Variants in PLEKHG3 observed in about 807,000 individuals in gnomAD.
PLEKHG3 encodes pleckstrin homology and RhoGEF domain containing G3.
In PLEKHG3, 62 loss-of-function variants were observed where a neutral mutation model predicts 94.9. The observed-to-expected ratio is 0.65, with a 90% CI of 0.53 to 0.81. PLEKHG3 has a LOEUF of 0.81. Among genes scored for constraint, PLEKHG3 ranks in the 30% least tolerant of loss-of-function variants. PLEKHG3 has a pLI of 0.00. For synonymous variants in PLEKHG3, 614 were observed against 654.0 expected (o/e 0.94, Z 0.93); for missense variants, 1,461 against 1,619.3 (o/e 0.90, Z 1.68).
chr14:64,737,265 C>A, intron 13 of PLEKHG3, 91 bp from the exon 14 acceptor site: 1 of 948,268 alleles, frequency 1.1e-6, no homozygotes, highest in Non-Finnish European at 1.7e-6. Flanking sequence ...AGGGAGCTGT[C>A]CAGAGGTCTT....
Position 64,730,598 on chromosome 14 carries a change from A to G in PLEKHG3, c.520-44A>G, listed in dbSNP as rs1439428188. 6.5e-7 allele frequency: 1 copy of G among 1,535,104 alleles called. No individual in the cohort carries two copies. The highest frequency in any genetic ancestry group is 9.0e-7 in the Non-Finnish European group (1 of 1,108,524). ...ATCTGCTACCACCATCTTTACTGTC[A>G]AATGAGAATCTCCCTGAAATCACTA... On this transcript the variant is annotated intron_variant, in intron 4 of 16. Coordinates refer to ENST00000247226, the MANE Select transcript of PLEKHG3 (RefSeq NM_001308147.2). This position sits in a 1 kb window ranked among gnomAD's most constrained non-coding sequence, Gnocchi z 5.4.
Position 64,743,735 on chromosome 14 carries a change from T to C in PLEKHG3, c.*32T>C, listed in dbSNP as rs779022077. The C allele has an allele frequency of 2.0e-6, 3 of 1,511,284 alleles. No homozygotes were observed. The highest frequency in any genetic ancestry group is 2.6e-6 in the Non-Finnish European group (3 of 1,134,774). The allele number at this position is 1,511,284 out of a possible 1,614,324, so 93.6% of individuals were successfully genotyped here. ...CTCCTGGGGGAGGGAGGAGTCATGT[T>C]GGAGGTTGGGGAAGAACCTGGGCAT... On this transcript the variant is annotated 3_prime_UTR_variant, in exon 17 of 17. Transcript: ENST00000247226. This position sits in a 1 kb window ranked among gnomAD's most constrained non-coding sequence, Gnocchi z 7.2.
Position 64,730,653 on chromosome 14 carries a change from T to C in PLEKHG3, c.531T>C (p.Phe177=). 1 of 1,609,972 alleles carries C rather than the reference T, an allele frequency of 6.2e-7. No individual in the cohort carries two copies. The highest frequency in any genetic ancestry group is 1.1e-5 in the South Asian group (1 of 90,886). ...ASCFVERSQE[F]DIYTQYCNNY... is the part of the protein sequence containing the mutation. ...TGATCTCTTCTTAGAGCCAAGAGTT[T>C]GATATCTACACTCAGTATTGCAACA... The change falls in exon 5 of 17, where the codon TTT becomes TTC. Residue 177 remains phenylalanine (F), a synonymous_variant. Coordinates refer to ENST00000247226, the MANE Select transcript of PLEKHG3 (RefSeq NM_001308147.2). The surrounding 1 kb of genome is among the most constrained non-coding windows in gnomAD (Gnocchi z 5.4).
In PLEKHG3 at chr14:64,718,542, A is replaced by T. The variant is rs2081209035; in HGVS notation, c.-39-9051A>T. On this transcript the variant is annotated intron_variant, in intron 1 of 16. Transcript: ENST00000247226. This position sits in a 1 kb window ranked among gnomAD's most constrained non-coding sequence, Gnocchi z 5.0. Reference sequence around the variant, plus strand: ...TCTTTGTGCACAGTAGGTGCTTGGTAAACAGCTTAGGTTGGAAGATTACTA... The same window carrying T: ...TCTTTGTGCACAGTAGGTGCTTGGTTAACAGCTTAGGTTGGAAGATTACTA... Among the ~76,000 whole-genome samples, 1 of 152,146 alleles carries T rather than the reference A, an allele frequency of 6.6e-6. No homozygotes were observed.
chr14:64,708,356 C>T (rs917398329), intron 1 of PLEKHG3, among the ~76,000 whole-genome samples: 1 of 152,092 alleles, frequency 6.6e-6, no homozygotes, highest in Non-Finnish European at 1.5e-5. Flanking sequence ...TCCACCCCTC[C>T]CCCAGCCTCC....
At position 64,729,076 on chromosome 14, in the gene PLEKHG3, T is replaced by C. The variant is rs229644; in HGVS notation, c.432T>C (p.Asn144=). Residue 144 remains asparagine, a synonymous_variant, in exon 3 of 17, where the codon AAT becomes AAC. Coordinates refer to ENST00000247226, the MANE Select transcript of PLEKHG3 (RefSeq NM_001308147.2). ...GCGCCCTCTTTGGGAACATAGAAAA[T>C]ATCTACGCGCTGAACAGGTGTGTGA... ...QVSALFGNIE[N]IYALNSQLLR... 0.23 allele frequency: 338,128 copies of C among 1,498,728 alleles called. 40,458 individuals carry two copies. Among genetic ancestry groups the C allele is most frequent in the African/African-American group, 0.33 (23,917 of 72,104 alleles). 92.8% of individuals were successfully genotyped at this position (1,498,728 alleles called of 1,614,324 possible).
At chr14:64,737,224 G>A in intron 13 of PLEKHG3, 132 bp from the exon 14 acceptor site, 1 of 723,426 alleles carries the variant, frequency 1.4e-6, no homozygotes, top group South Asian at 1.6e-5. Flanking sequence ...TGAGGGTTCT[G>A]GGAGCAGGAG....
Position 64,710,713 on chromosome 14 carries a change from A to G in PLEKHG3, c.-40+6009A>G, listed in dbSNP as rs535327947. ...ATAAAATGAAAGAGGATAAAGAAAC[A>G]AGCATAGAGGGGGAAAAATGACTAC... On this transcript the variant is annotated intron_variant, in intron 1 of 16. Transcript: ENST00000247226. Among the ~76,000 whole-genome samples, 157 of 152,058 alleles carry G rather than the reference A, an allele frequency of 1.0e-3. 2 individuals carry two copies. The highest frequency in any genetic ancestry group is 2.3e-3 in the South Asian group (11 of 4,810).
chr14:64,716,390 G>A lies in PLEKHG3; in HGVS notation c.-39-11203G>A, dbSNP rs1260484758. Among the ~76,000 whole-genome samples, 6 of 150,458 alleles carry A rather than the reference G, an allele frequency of 4.0e-5. No individual in the cohort carries two copies. The highest frequency in any genetic ancestry group is 7.4e-5 in the Non-Finnish European group (5 of 67,674). On this transcript the variant is annotated intron_variant, in intron 1 of 16. Coordinates refer to ENST00000247226, the MANE Select transcript of PLEKHG3 (RefSeq NM_001308147.2). The surrounding 1 kb of genome is among the most constrained non-coding windows in gnomAD (Gnocchi z 5.0). ...GGGGACTTCAGGGGGACTTCATGTC[G>A]TGAACATTTGGAGTTGAGTGGTTAG...
Position 64,730,818 on chromosome 14 carries a change from G to A in PLEKHG3, c.586G>A (p.Glu196Lys). ...NYPNSVAALT[E>K]CMRDKQQAKF... ...TCCCAGCTCCGTGGCCGCCCTGACG[G>A]AATGCATGCGGGACAAGCAGCAGGC... The change falls in exon 6 of 17, where the codon GAA (glutamate) becomes AAA (lysine). Residue 196 changes from glutamate to lysine, a missense_variant. Around this residue, in one of 3 missense-constraint regions of PLEKHG3, gnomAD observed 253 missense variants for 297.8 expected, o/e 0.85. Coordinates refer to ENST00000247226, the MANE Select transcript of PLEKHG3 (RefSeq NM_001308147.2). This position sits in a 1 kb window ranked among gnomAD's most constrained non-coding sequence, Gnocchi z 5.4. The A allele has an allele frequency of 6.2e-7, 1 of 1,613,422 alleles. No individual in the cohort carries two copies. The highest frequency in any genetic ancestry group is 1.1e-5 in the South Asian group (1 of 91,074).
In PLEKHG3 at chr14:64,728,465, G is replaced by T. The variant is rs2081395310; in HGVS notation, c.351+483G>T. ...GGGCGTGGATTAGTTTCCTAGGGCT[G>T]CCTTAACAAATGACCACACACTGGG... On this transcript the variant is annotated intron_variant, in intron 2 of 16. Coordinates refer to ENST00000247226, the MANE Select transcript of PLEKHG3 (RefSeq NM_001308147.2). The surrounding 1 kb of genome is among the most constrained non-coding windows in gnomAD (Gnocchi z 5.9). Among the ~76,000 whole-genome samples the T allele has an allele frequency of 6.6e-6, 1 of 152,238 alleles. No individual in the cohort carries two copies. Among genetic ancestry groups the T allele is most frequent in the Non-Finnish European group, 1.5e-5 (1 of 68,030 alleles).
At chr14:64,736,557 C>T (rs1038732306) in intron 12 of PLEKHG3, among the ~76,000 whole-genome samples, 1 of 152,158 alleles carries the variant, frequency 6.6e-6, no homozygotes. Flanking sequence ...ATGGCTCCTG[C>T]GCGAGGGCCC....
rs561314884 is a variant in PLEKHG3 at position 64,731,451 on chromosome 14, G to A, written c.940G>A (p.Val314Met). 1.4e-5 allele frequency: 22 copies of A among 1,613,792 alleles called. No individual in the cohort carries two copies. The highest frequency in any genetic ancestry group is 4.4e-5 in the South Asian group (4 of 91,074). The change falls in exon 8 of 17, where the codon GTG (valine) becomes ATG (methionine). Residue 314 changes from valine to methionine, a missense_variant. Around this residue, in one of 3 missense-constraint regions of PLEKHG3, gnomAD observed 1,201 missense variants for 1,295.5 expected, o/e 0.93. Coordinates refer to ENST00000247226, the MANE Select transcript of PLEKHG3 (RefSeq NM_001308147.2). This position sits in a 1 kb window ranked among gnomAD's most constrained non-coding sequence, Gnocchi z 6.1. ...VLEGTFRVHR[V>M]RNERTFFLFD... Reference sequence around the variant, plus strand: ...GGAGGGCACATTCCGCGTGCATCGCGTGCGCAATGAAAGGACCTTTTTCCT... The same window carrying A: ...GGAGGGCACATTCCGCGTGCATCGCATGCGCAATGAAAGGACCTTTTTCCT...
rs2081123468 is a variant in PLEKHG3, at chr14:64,715,362, C to G, written c.-40+10658C>G. On this transcript the variant is annotated intron_variant, in intron 1 of 16. Transcript: ENST00000247226. The surrounding 1 kb of genome is among the most constrained non-coding windows in gnomAD (Gnocchi z 4.4). Reference sequence around the variant, plus strand: ...TGTGGATTCCAGCAAACCCTGGCTCCTCTACTTCCCTGACTGTATGGCCCT... The same window carrying G: ...TGTGGATTCCAGCAAACCCTGGCTCGTCTACTTCCCTGACTGTATGGCCCT... Among the ~76,000 whole-genome samples the G allele has an allele frequency of 6.6e-6, 1 of 152,158 alleles. No individual in the cohort carries two copies. The highest frequency in any genetic ancestry group is 2.4e-5 in the African/African-American group (1 of 41,428).
rs2081332733 is a variant in PLEKHG3, at chr14:64,725,420, GAA to G, written c.-39-2172_-39-2171del. ...GGGGTGCCTGACTGCAGTGCACTTT[GAA>G]GGACATCAGAGTGCCACAGGGCTGG... On this transcript the variant is annotated intron_variant, in intron 1 of 16. Transcript: ENST00000247226. This position sits in a 1 kb window ranked among gnomAD's most constrained non-coding sequence, Gnocchi z 5.0. 6.6e-6 allele frequency among the ~76,000 whole-genome samples: 1 copy of G among 152,316 alleles called. No homozygotes were observed. The highest frequency in any genetic ancestry group is 2.4e-5 in the African/African-American group (1 of 41,572).
Position 64,750,054 on chromosome 14 carries a change from G to C in PLEKHG3, c.*6351G>C. The C allele has an allele frequency of 2.5e-6, 4 of 1,614,176 alleles. No homozygotes were observed. Among genetic ancestry groups the C allele is most frequent in the Non-Finnish European group, 3.4e-6 (4 of 1,180,026 alleles). The stretch of plus-strand genomic sequence containing the variant: ...CAGATGGCATGTCTCAGGGCCAGGG[G>C]TTCCTCCCCATGGTAGGGCATCCCC... On this transcript the variant is annotated 3_prime_UTR_variant, in exon 17 of 17. Transcript: ENST00000247226.
Position 64,730,278 on chromosome 14 carries a change from A to T in PLEKHG3, c.485A>T (p.Asp162Val). Residue 162 changes from aspartate to valine, a missense_variant, in exon 4 of 17, where the codon GAC (aspartate) becomes GTC (valine). Coordinates refer to ENST00000247226, the MANE Select transcript of PLEKHG3 (RefSeq NM_001308147.2). The surrounding 1 kb of genome is among the most constrained non-coding windows in gnomAD (Gnocchi z 5.4). ...LLRDLDSCNSDPVAVASCFVE... is the reference protein window; with the variant it reads ...LLRDLDSCNSVPVAVASCFVE... The stretch of plus-strand genomic sequence containing the variant: ...AGAGACCTGGACAGCTGCAATAGTG[A>T]CCCCGTGGCTGTGGCCAGCTGCTTT... The T allele has an allele frequency of 6.5e-7, 1 of 1,535,320 alleles. No individual in the cohort carries two copies. Among genetic ancestry groups the T allele is most frequent in the Non-Finnish European group, 8.7e-7 (1 of 1,146,250 alleles).
intron 1 of PLEKHG3, among the ~76,000 whole-genome samples, chr14:64,707,245 C>T (rs1160396242): frequency 6.6e-6 from 1 of 152,218 alleles, no homozygotes; most frequent in Non-Finnish European, 1.5e-5. Flanking sequence ...GCGGACCTGG[C>T]AGATCCTCAT....
Position 64,729,093 on chromosome 14 carries a change from G to C in PLEKHG3, c.449G>C (p.Ser150Thr). Residue 150 changes from serine to threonine, a missense_variant and splice_region_variant, in exon 3 of 17, where the codon AGC becomes ACC. Transcript: ENST00000247226. ...GNIENIYALN[S>T]QLLRDLDSCN... The stretch of plus-strand genomic sequence containing the variant: ...ATAGAAAATATCTACGCGCTGAACA[G>C]GTGTGTGAATGGGCCTGACACTCAC... The C allele has an allele frequency of 2.1e-6, 3 of 1,445,904 alleles. No homozygotes were observed. Among genetic ancestry groups the C allele is most frequent in the Non-Finnish European group, 2.8e-6 (3 of 1,065,822 alleles). 89.6% of individuals were successfully genotyped at this position (1,445,904 alleles called of 1,614,324 possible).
Sources: allele counts gnomAD v4.1 joint callset (sites outside exome capture counted in the v4.1 genomes callset), GRCh38; gene constraint gnomAD v4.1.1; regional missense constraint gnomAD v4.1.1; non-coding constraint Gnocchi (gnomAD v3.1); transcripts MANE v1.5; gene names NCBI Gene and HGNC (gene_info 2026-07-23, HGNC 2026-07-21).